KREMEN1: variants seen among roughly 807,000 people sequenced by gnomAD.
KREMEN1 encodes the protein kringle containing transmembrane protein 1, also known as kremen protein 1.
In KREMEN1, 30 loss-of-function variants were observed where a neutral mutation model predicts 46.5. That is an observed-to-expected ratio of 0.65 (90% CI 0.48 to 0.88). The LOEUF is 0.88. Among genes scored for constraint, KREMEN1 ranks in the 40% least tolerant of loss-of-function variants. The pLI is 0.00. For synonymous variants in KREMEN1, 214 were observed against 230.6 expected (o/e 0.93, Z 0.65); for missense variants, 533 against 596.9 (o/e 0.89, Z 1.11).
chr22:29,137,148 T>G (rs67700680), intron 5 of KREMEN1, among the ~76,000 whole-genome samples, 194 bp from the exon 6 acceptor site: 20,319 of 152,102 alleles, frequency 0.13, 1,737 homozygotes, highest in Non-Finnish European at 0.18. Context: ...CTAAGGTCTC[T>G]GGGGGGAAAA....
chr22:29,145,729 G>C lies in KREMEN1; in HGVS notation c.*3617G>C, dbSNP rs1411210151. 2 of 985,442 alleles carry C rather than the reference G, an allele frequency of 2.0e-6. No individual in the cohort carries two copies. The highest frequency in any genetic ancestry group is 6.1e-5 in the Admixed American group (1 of 16,278). 61.0% of individuals were successfully genotyped at this position (985,442 alleles called of 1,614,324 possible). On this transcript the variant is annotated 3_prime_UTR_variant, in exon 9 of 9. Coordinates refer to ENST00000400335, the MANE Select transcript of KREMEN1 (RefSeq NM_001039570.3). ...CGCCCTGTCCCCCACGTCAGGACAGGCTTGAGGCCTCTCTGGGCGTGAGCG... is the reference window on the plus strand; with the variant it reads ...CGCCCTGTCCCCCACGTCAGGACAGCCTTGAGGCCTCTCTGGGCGTGAGCG...
At chr22:29,130,860 C>G (rs565023631) in intron 5 of KREMEN1, among the ~76,000 whole-genome samples, 2 of 152,282 alleles carry the variant, frequency 1.3e-5, no homozygotes, top group East Asian at 1.9e-4. Flanking sequence ...GCTAATCTCT[C>G]CTTCAAAAAA....
intron 3 of KREMEN1, among the ~76,000 whole-genome samples, chr22:29,114,200 AG>A (rs1242848209): frequency 6.6e-6 from 1 of 152,030 alleles, no homozygotes; most frequent in Non-Finnish European, 1.5e-5. Context: ...GGAGAGGAAG[AG>A]GGCTGGGTGC....
At chr22:29,077,643 T>C (rs2037593961) in intron 1 of KREMEN1, among the ~76,000 whole-genome samples, 2 of 152,192 alleles carry the variant, frequency 1.3e-5, no homozygotes, top group East Asian at 1.9e-4. Flanking sequence ...AAATTATAGA[T>C]TTTTTAAGTC....
chr22:29,134,925 A>G (rs1009419889), intron 5 of KREMEN1, among the ~76,000 whole-genome samples: 3 of 152,064 alleles, frequency 2.0e-5, no homozygotes, highest in Non-Finnish European at 4.4e-5. Flanking sequence ...GTGGTAGGCT[A>G]TGGCTGTTTG....
Position 29,143,659 on chromosome 22 carries a change from G to A in KREMEN1, c.*1547G>A, listed in dbSNP as rs8135766. ...CGGGAGGCTGAGGCAGGAGAATGGC[G>A]TGAACCCGGGAGGCGGAGCTTGCAG... On this transcript the variant is annotated 3_prime_UTR_variant, in exon 9 of 9. Transcript: ENST00000400335. The A allele has an allele frequency of 0.028, 21,897 of 782,036 alleles. 333 individuals are homozygous for A. The highest frequency in any genetic ancestry group is 0.064 in the Middle Eastern group (96 of 1,498). The allele number at this position is 782,036 out of a possible 1,614,324, so 48.4% of individuals were successfully genotyped here. A position where few individuals can be genotyped will look rare whatever the true frequency, so the allele number is the denominator to read the frequency against.
chr22:29,152,649 A>C (rs1242117935), intron 9 of KREMEN1, among the ~76,000 whole-genome samples: 1 of 150,336 alleles, frequency 6.7e-6, no homozygotes, highest in Non-Finnish European at 1.5e-5. Flanking sequence ...TCTCCCCCCA[A>C]CCCCTCCTGC....
chr22:29,142,850 C>G lies in KREMEN1; in HGVS notation c.*738C>G. On this transcript the variant is annotated 3_prime_UTR_variant, in exon 9 of 9. Transcript: ENST00000400335. ...CAGGGAAAGCTTTAAGAGCTTTGGTCATATAAAACATCCATTCAGCTGGGC... is the reference window on the plus strand; with the variant it reads ...CAGGGAAAGCTTTAAGAGCTTTGGTGATATAAAACATCCATTCAGCTGGGC... The G allele has an allele frequency of 1.0e-6, 1 of 985,446 alleles. No homozygotes were observed. Among genetic ancestry groups the G allele is most frequent in the Non-Finnish European group, 1.2e-6 (1 of 829,948 alleles). The allele number at this position is 985,446 out of a possible 1,614,324, so 61.0% of individuals were successfully genotyped here.
intron 6 of KREMEN1, among the ~76,000 whole-genome samples, chr22:29,138,289 C>A (rs181089052): frequency 5.9e-5 from 9 of 152,330 alleles, no homozygotes; most frequent in Admixed American, 5.9e-4. Context: ...TCTTGAGGAA[C>A]AGGTAGCATT....
chr22:29,167,142 G>T (rs1331221838), exon 10 of KREMEN1: 1 of 1,527,988 alleles, frequency 6.5e-7, no homozygotes, highest in Admixed American at 2.0e-5. Flanking sequence ...GCATATCTGG[G>T]TGGCAATTTC....
chr22:29,163,157 G>C (rs932400755), intron 9 of KREMEN1, among the ~76,000 whole-genome samples: 1 of 152,088 alleles, frequency 6.6e-6, no homozygotes, highest in Non-Finnish European at 1.5e-5. Flanking sequence ...CCGTTCTCGT[G>C]ATAGTGAGTG....
intron 4 of KREMEN1, 37 bp from the exon 5 acceptor site, chr22:29,125,226 A>C (rs1474217748): frequency 6.2e-7 from 1 of 1,606,662 alleles, no homozygotes; most frequent in South Asian, 1.1e-5. Context: ...GACATCCCTG[A>C]TGATGCTTAC....
In KREMEN1 at chr22:29,144,462, G is replaced by T. The variant is rs2038821068; in HGVS notation, c.*2350G>T. 1 of 985,428 alleles carries T rather than the reference G, an allele frequency of 1.0e-6. No individual in the cohort carries two copies. The highest frequency in any genetic ancestry group is 1.7e-5 in the African/African-American group (1 of 57,258). 61.0% of individuals were successfully genotyped at this position (985,428 alleles called of 1,614,324 possible). On this transcript the variant is annotated 3_prime_UTR_variant, in exon 9 of 9. Transcript: ENST00000400335. ...CCTGCTGAGGGCACAGAGCTGCTCG[G>T]TGCAGCCTTCATGCTTTGATCTGGA...
intron 1 of KREMEN1, among the ~76,000 whole-genome samples, chr22:29,079,451 G>A (rs2037621540): frequency 6.6e-6 from 1 of 152,232 alleles, no homozygotes; most frequent in African/African-American, 2.4e-5. Context: ...TTAATCTCTG[G>A]CAAGTAGCCA....
At chr22:29,122,966 A>C (rs1370133613) in intron 4 of KREMEN1, among the ~76,000 whole-genome samples, 2 of 135,032 alleles carry the variant, frequency 1.5e-5, no homozygotes, top group African/African-American at 2.6e-5. Flanking sequence ...AAAAAAAAAA[A>C]GACATACTGT....
rs890625135 is a variant in KREMEN1 at position 29,161,233 on chromosome 22, C to T, written c.1417-5811C>T. On this transcript the variant is annotated intron_variant, in intron 9 of 9. Coordinates refer to the KREMEN1 transcript ENST00000327813. ...AGAAATTGAATCAGCACTGGCCAGGCGTGGTGGCTCATGCCTGTGATCCCA... is the reference window on the plus strand; with the variant it reads ...AGAAATTGAATCAGCACTGGCCAGGTGTGGTGGCTCATGCCTGTGATCCCA... 5.1e-4 allele frequency among the ~76,000 whole-genome samples: 78 copies of T among 152,176 alleles called. 1 individual carries two copies. The highest frequency in any genetic ancestry group is 5.5e-4 in the African/African-American group (23 of 41,544).
At chr22:29,122,269 G>A (rs2038368801) in intron 4 of KREMEN1, among the ~76,000 whole-genome samples, 1 of 152,170 alleles carries the variant, frequency 6.6e-6, no homozygotes, top group Non-Finnish European at 1.5e-5. Context: ...AGATACCACT[G>A]CACACCACTT....
downstream of KREMEN1, among the ~76,000 whole-genome samples, chr22:29,148,147 G>A (rs1473051128): frequency 2.0e-5 from 3 of 152,148 alleles, no homozygotes. Context: ...GAAACCTGAT[G>A]AGTTCTTTTG....
rs1342042732 is a variant in KREMEN1, at chr22:29,157,580, C to T, written c.1417-9464C>T. ...CTCGAACTCCTGGCCTCAAGTGATCCACCTGCCTCGGCCTCCCAAAGTGCT... is the reference window on the plus strand; with the variant it reads ...CTCGAACTCCTGGCCTCAAGTGATCTACCTGCCTCGGCCTCCCAAAGTGCT... On this transcript the variant is annotated intron_variant, in intron 9 of 9. Transcript: ENST00000327813. 3.3e-5 allele frequency among the ~76,000 whole-genome samples: 5 copies of T among 152,164 alleles called. No individual in the cohort carries two copies. In the East Asian group the frequency reaches 9.6e-4, roughly 29 times the overall value.
Sources: gnomAD v4.1 joint callset for allele counts (sites outside exome capture counted in the v4.1 genomes callset) on GRCh38, gnomAD v4.1.1 for gene constraint, MANE v1.5 for transcripts, NCBI Gene and HGNC (gene_info 2026-07-23, HGNC 2026-07-21) for gene names.